Variants in SOS2 observed in about 807,000 individuals in gnomAD.
SOS2 encodes the protein SOS Ras/Rho guanine nucleotide exchange factor 2, also known as son of sevenless homolog 2.
Under a neutral mutation model 148.2 loss-of-function variants are expected in SOS2, and 65 were observed. That is an observed-to-expected ratio of 0.44 (90% CI 0.36 to 0.54). The LOEUF is 0.54. Among genes scored for constraint, SOS2 ranks in the 20% least tolerant of loss-of-function variants. The probability of loss-of-function intolerance (pLI) is 0.00; values close to 1 mark genes in which losing one functional copy is unlikely to be tolerated. For missense variants in SOS2, 1,341 were observed against 1,590.2 expected, an observed-to-expected ratio of 0.84 and a Z score of 2.67; for synonymous variants, 539 against 537.1, an observed-to-expected ratio of 1.00 and a Z score of -0.05.
At chr14:50,157,378 G>A (rs1884854383) in intron 11 of SOS2, among the ~76,000 whole-genome samples, 1 of 152,042 alleles carries the variant, frequency 6.6e-6, no homozygotes. Flanking sequence ...AAGAGCCAAG[G>A]AAAGAATTCA....
chr14:50,161,706 TAA>T (rs1885014015), intron 8 of SOS2, 97 bp from the exon 9 acceptor site: 9 of 1,086,324 alleles, frequency 8.3e-6, no homozygotes, highest in Non-Finnish European at 1.2e-5. Flanking sequence ...TTATCAACTC[TAA>T]GTTAATTTTA....
intron 4 of SOS2, among the ~76,000 whole-genome samples, chr14:50,193,806 T>C (rs1402272991): frequency 6.6e-6 from 1 of 151,564 alleles, no homozygotes; most frequent in African/African-American, 2.4e-5. Context: ...TGGAGTTAAG[T>C]GGTACTCGGC....
rs191426102 is a variant in SOS2 at position 50,150,326 on chromosome 14, T to C, written c.2162-96A>G. The C allele has an allele frequency of 2.5e-3, 2,149 of 842,826 alleles. 2 individuals are homozygous for C. Among genetic ancestry groups the C allele is most frequent in the Non-Finnish European group, 3.7e-3 (1,909 of 518,396 alleles). The allele number at this position is 842,826 out of a possible 1,614,324, so 52.2% of individuals were successfully genotyped here. A position where few individuals can be genotyped will look rare whatever the true frequency, so the allele number is the denominator to read the frequency against. On this transcript the variant is annotated intron_variant, in intron 13 of 22. Transcript: ENST00000216373. ...TTAACTTTCACCCAGCCTCAACAGTTACCAACTCATGGCCAATTTTTATTT... is the reference window on the plus strand; with the variant it reads ...TTAACTTTCACCCAGCCTCAACAGTCACCAACTCATGGCCAATTTTTATTT...
chr14:50,169,753 A>C (rs1885299572), intron 8 of SOS2, among the ~76,000 whole-genome samples: 1 of 152,116 alleles, frequency 6.6e-6, no homozygotes, highest in Non-Finnish European at 1.5e-5. Flanking sequence ...TTTATATTGC[A>C]TGGCAATATA....
intron 16 of SOS2, among the ~76,000 whole-genome samples, chr14:50,141,564 A>G (rs1821415053): frequency 6.6e-6 from 1 of 152,120 alleles, no homozygotes; most frequent in African/African-American, 2.4e-5. Context: ...ACATCTAGCA[A>G]AAGAGGTATG....
chr14:50,133,072 T>C (rs1566820223), intron 19 of SOS2, among the ~76,000 whole-genome samples: 2 of 152,056 alleles, frequency 1.3e-5, no homozygotes, highest in South Asian at 4.1e-4. Context: ...CCAGGATCTT[T>C]AGTTTTTTAG....
In SOS2 at chr14:50,118,216, TG is replaced by T; in HGVS notation, c.*127del. Reference sequence around the variant, plus strand: ...TTTTTCCAATTCTTAAAAGCTTATTTGATCAGTAGCATTTTTGTAAGAGCAT... The same window carrying T: ...TTTTTCCAATTCTTAAAAGCTTATTTATCAGTAGCATTTTTGTAAGAGCAT... On this transcript the variant is annotated 3_prime_UTR_variant, in exon 23 of 23. Coordinates refer to ENST00000216373, the MANE Select transcript of SOS2 (RefSeq NM_006939.4). 1.3e-6 allele frequency: 1 copy of T among 769,184 alleles called. No homozygotes were observed. The highest frequency in any genetic ancestry group is 2.1e-6 in the Non-Finnish European group (1 of 484,848). 47.6% of individuals were successfully genotyped at this position (769,184 alleles called of 1,614,324 possible).
Position 50,118,685 on chromosome 14 carries a change from G to T in SOS2, c.3658C>A (p.Pro1220Thr). Residue 1220 changes from proline to threonine, a missense_variant, in exon 23 of 23, where the codon CCC becomes ACC. This residue lies in a region of SOS2 where 354 missense variants were observed against 347.7 expected (regional missense o/e 1.02). Coordinates refer to ENST00000216373, the MANE Select transcript of SOS2 (RefSeq NM_006939.4). ...DPLPDTPPPV[P>T]LRPPEHFINC... The stretch of plus-strand genomic sequence containing the variant: ...ATAAAGTGTTCTGGAGGCCGAAGGG[G>T]AACTGGTGGAGGGGTATCAGGAAGA... The T allele has an allele frequency of 6.2e-7, 1 of 1,613,784 alleles. No individual in the cohort carries two copies. Among genetic ancestry groups the T allele is most frequent in the Non-Finnish European group, 8.5e-7 (1 of 1,179,944 alleles).
At chr14:50,213,092 A>C (rs1038220212) in intron 1 of SOS2, among the ~76,000 whole-genome samples, 1 of 152,232 alleles carries the variant, frequency 6.6e-6, no homozygotes, top group Non-Finnish European at 1.5e-5. Flanking sequence ...TAAAGGAATC[A>C]ATAGAGAAGA....
chr14:50,140,800 A>G (rs1011649529), intron 16 of SOS2, among the ~76,000 whole-genome samples: 2 of 152,196 alleles, frequency 1.3e-5, no homozygotes, highest in Non-Finnish European at 2.9e-5. Context: ...ACTCCAATAA[A>G]TCTACATATA....
At chr14:50,182,698 C>T in intron 5 of SOS2, 92 bp from the exon 6 acceptor site, 1 of 972,072 alleles carries the variant, frequency 1.0e-6, no homozygotes, top group Admixed American at 2.3e-5. Flanking sequence ...CTACTCGAGG[C>T]AGACTGCCTA....
intron 2 of SOS2, among the ~76,000 whole-genome samples, chr14:50,203,782 T>C (rs1886576150): frequency 6.6e-6 from 1 of 151,374 alleles, no homozygotes; most frequent in Non-Finnish European, 1.5e-5. Context: ...TCAACTGACA[T>C]AGAGAACATT....
chr14:50,224,163 C>T (rs148395965), intron 1 of SOS2, among the ~76,000 whole-genome samples: 1,934 of 151,280 alleles, frequency 0.013, 40 homozygotes, highest in African/African-American at 0.043. Flanking sequence ...TGGTGGTGCG[C>T]GCCTGTAATC....
Position 50,182,436 on chromosome 14 carries a change from A to G in SOS2, c.858+27T>C, listed in dbSNP as rs374178721. 2.4e-5 allele frequency: 38 copies of G among 1,607,098 alleles called. No homozygotes were observed. The African/African-American group carries it at 4.9e-4, about 21-fold the overall frequency. ...TACTACAGCATTTAGGGCTTTAATG[A>G]GAATATAAGTAGTTTTGTAAACTTA... On this transcript the variant is annotated intron_variant, in intron 6 of 22. Transcript: ENST00000216373.
At chr14:50,230,065 T>G (rs929175153) in intron 1 of SOS2, among the ~76,000 whole-genome samples, 2 of 152,246 alleles carry the variant, frequency 1.3e-5, no homozygotes, top group African/African-American at 4.8e-5. Context: ...TACGACTTAG[T>G]GTTTGCCCTG....
intron 5 of SOS2, among the ~76,000 whole-genome samples, chr14:50,185,805 T>C (rs1245689858): frequency 6.6e-6 from 1 of 152,122 alleles, no homozygotes; most frequent in Non-Finnish European, 1.5e-5. Context: ...CTAACATGTA[T>C]TGGGCACATT....
chr14:50,216,674 G>A (rs1887048834), intron 1 of SOS2, among the ~76,000 whole-genome samples: 1 of 152,102 alleles, frequency 6.6e-6, no homozygotes, highest in Non-Finnish European at 1.5e-5. Context: ...GGCAGAGGTT[G>A]CAGTGAGCTG....
At chr14:50,218,209 C>A (rs1265991658) in intron 1 of SOS2, among the ~76,000 whole-genome samples, 1 of 87,328 alleles carries the variant, frequency 1.1e-5, no homozygotes, top group Non-Finnish European at 2.1e-5. Context: ...AATGAAACTT[C>A]GATAAAAGGA....
chr14:50,189,874 A>T (rs1168239561), intron 4 of SOS2, among the ~76,000 whole-genome samples: 3 of 148,984 alleles, frequency 2.0e-5, no homozygotes. Flanking sequence ...TGTGAGACAC[A>T]GTCTTGCTCT....
Sources: gnomAD v4.1 joint callset for allele counts (sites outside exome capture counted in the v4.1 genomes callset) on GRCh38, gnomAD v4.1.1 for gene constraint, gnomAD v4.1.1 regional missense constraint, MANE v1.5 for transcripts, NCBI Gene and HGNC (gene_info 2026-07-23, HGNC 2026-07-21) for gene names.